Variants in TSGA10 observed in about 807,000 individuals in gnomAD.
TSGA10 encodes testis-specific gene 10 protein.
In TSGA10, 43 loss-of-function variants were observed where a neutral mutation model predicts 96.6. The ratio of observed to expected loss-of-function variants is 0.44; its 90% CI spans 0.35 to 0.57. TSGA10 has a LOEUF of 0.57. Among genes scored for constraint, TSGA10 ranks in the 20% least tolerant of loss-of-function variants. The pLI is 0.01. For synonymous variants in TSGA10, 229 were observed against 269.9 expected, an observed-to-expected ratio of 0.85 and a Z score of 1.48; for missense variants, 703 against 834.4, an observed-to-expected ratio of 0.84 and a Z score of 1.94.
intron 2 of TSGA10, among the ~76,000 whole-genome samples, chr2:99,120,489 T>C (rs2092512958): frequency 6.6e-6 from 1 of 152,210 alleles, no homozygotes; most frequent in Non-Finnish European, 1.5e-5. Context: ...CTTGAGTTTC[T>C]TCTGTTAAAG....
chr2:99,037,244 C>G (rs2081716215), intron 16 of TSGA10, among the ~76,000 whole-genome samples: 1 of 152,088 alleles, frequency 6.6e-6, no homozygotes, highest in Non-Finnish European at 1.5e-5. Flanking sequence ...TACGTATGCC[C>G]TATAAAACAC....
At chr2:99,064,909 T>C (rs751743966) in intron 16 of TSGA10, 30 bp downstream of exon 16, 1 of 1,526,082 alleles carries the variant, frequency 6.6e-7, no homozygotes, top group South Asian at 1.3e-5. Flanking sequence ...TGATGCAGGA[T>C]GTATTATAAG....
At position 99,118,551 on chromosome 2, in the gene TSGA10, TTGAC is replaced by T. The variant is rs2104922581; in HGVS notation, c.-360_-357del. ...CCTTTTGAAAGTATCAGTAACTTAC[TTGAC>T]TAAGCTAAATATCAAATCAATCAAG... On this transcript the variant is annotated splice_region_variant and 5_prime_UTR_variant, in exon 3 of 21. Coordinates refer to ENST00000393483, the MANE Select transcript of TSGA10 (RefSeq NM_025244.4). 1 of 982,502 alleles carries T rather than the reference TTGAC, an allele frequency of 1.0e-6. No homozygotes were observed. Among genetic ancestry groups the T allele is most frequent in the South Asian group, 4.7e-5 (1 of 21,238 alleles). 60.9% of individuals were successfully genotyped at this position (982,502 alleles called of 1,614,324 possible).
chr2:99,125,324 G>A (rs1156759282), intron 2 of TSGA10: 1 of 152,124 alleles, frequency 6.6e-6, no homozygotes, highest in East Asian at 1.9e-4. Flanking sequence ...TAATAATGCT[G>A]CTATAAACAT....
chr2:99,002,077 G>C (rs965976295), intron 20 of TSGA10, among the ~76,000 whole-genome samples: 1 of 152,206 alleles, frequency 6.6e-6, no homozygotes, highest in Non-Finnish European at 1.5e-5. Flanking sequence ...ATATTATCCA[G>C]GAGAACTTCC....
chr2:99,010,404 AAAACTGTGAGTTCCC>A, intron 20 of TSGA10, among the ~76,000 whole-genome samples: 1 of 152,248 alleles, frequency 6.6e-6, no homozygotes, highest in East Asian at 1.9e-4. Flanking sequence ...AAACAGGTGA[AAAACTGTGAGTTCCC>A]AAAGTGTGAG....
At chr2:99,002,355 T>G (rs2078007372) in intron 20 of TSGA10, among the ~76,000 whole-genome samples, 2 of 152,200 alleles carry the variant, frequency 1.3e-5, no homozygotes, top group Admixed American at 6.5e-5. Context: ...AAAAGAATTT[T>G]CAACCCAGAA....
In TSGA10 at chr2:99,108,856, T is replaced by C; in HGVS notation, c.187A>G (p.Lys63Glu). The C allele has an allele frequency of 6.3e-7, 1 of 1,579,956 alleles. No homozygotes were observed. Among genetic ancestry groups the C allele is most frequent in the Non-Finnish European group, 8.5e-7 (1 of 1,170,044 alleles). The change falls in exon 7 of 21, where the codon AAG becomes GAG. Residue 63 changes from lysine (K) to glutamate (E), a missense_variant. Physicochemically the swap from Lys to Glu is moderately conservative, Grantham distance 56 (BLOSUM62 1). This residue lies in a region of TSGA10 where 585 missense variants were observed against 656.8 expected (regional missense o/e 0.89). Coordinates refer to ENST00000393483, the MANE Select transcript of TSGA10 (RefSeq NM_025244.4). ...ACCTGTTCATAAAGAAGGAAGATCT[T>C]GTCTCTCTCAGATTTAAGAACCTTG... ...NVKVLKSERDKIFLLYEQAQE... is the reference protein window; with the variant it reads ...NVKVLKSERDEIFLLYEQAQE...
At position 99,105,674 on chromosome 2, in the gene TSGA10, A is replaced by C; in HGVS notation, c.234T>G (p.Leu78=). 6.3e-7 allele frequency: 1 copy of C among 1,591,788 alleles called. No individual in the cohort carries two copies. The highest frequency in any genetic ancestry group is 8.6e-7 in the Non-Finnish European group (1 of 1,161,590). Residue 78 remains leucine (L), a synonymous_variant, in exon 8 of 21, where the codon CTT becomes CTG. Transcript: ENST00000393483. The part of the protein sequence containing the change: ...YEQAQEEITR[L]RREMMKSCKS... ...TACAGCTTTTCATCATTTCTCGTCG[A>C]AGTCGGGTAATTTCTTCCTGTGCCT...
At chr2:99,144,451 C>T (rs970583784) in intron 1 of TSGA10, among the ~76,000 whole-genome samples, 1 of 151,560 alleles carries the variant, frequency 6.6e-6, no homozygotes, top group East Asian at 1.9e-4. Context: ...GCCTGTTGTC[C>T]AATATCTAAA....
chr2:99,036,121 C>T (rs2081605872), intron 16 of TSGA10, among the ~76,000 whole-genome samples: 1 of 152,076 alleles, frequency 6.6e-6, no homozygotes, highest in African/African-American at 2.4e-5. Flanking sequence ...CTGCCACCTA[C>T]AGAGAAGTAT....
intron 16 of TSGA10, among the ~76,000 whole-genome samples, chr2:99,063,042 G>T (rs752016173): frequency 2.6e-5 from 4 of 152,202 alleles, no homozygotes; most frequent in Non-Finnish European, 5.9e-5. Flanking sequence ...CTACAAGAGT[G>T]TGTTATTGAC....
intron 10 of TSGA10, among the ~76,000 whole-genome samples, chr2:99,086,002 A>G (rs968649431): frequency 1.3e-5 from 2 of 152,234 alleles, no homozygotes; most frequent in Non-Finnish European, 2.9e-5. Context: ...CCACAGATAT[A>G]TGGTCAATCG....
intron 1 of TSGA10, among the ~76,000 whole-genome samples, chr2:99,136,016 A>T (rs1050334200): frequency 2.0e-5 from 3 of 151,984 alleles, no homozygotes; most frequent in African/African-American, 7.2e-5. Context: ...TACCAAAAAA[A>T]AAAAAGGGTC....
intron 16 of TSGA10, among the ~76,000 whole-genome samples, chr2:99,064,160 C>A (rs2084997634): frequency 6.6e-6 from 1 of 151,882 alleles, no homozygotes; most frequent in Non-Finnish European, 1.5e-5. Context: ...CACTTCCAGG[C>A]ATAAATATAG....
rs1192877944 is a variant in TSGA10 at position 99,099,577 on chromosome 2, TATCAG to T, written c.611+4385_611+4389del. The stretch of plus-strand genomic sequence containing the variant: ...ACCATCTAAATACATGAATAAAAAT[TATCAG>T]ATCAATTTCAACATTCATGTATGAT... On this transcript the variant is annotated intron_variant, in intron 10 of 20. Coordinates refer to ENST00000393483, the MANE Select transcript of TSGA10 (RefSeq NM_025244.4). 4.6e-5 allele frequency among the ~76,000 whole-genome samples: 7 copies of T among 152,232 alleles called. No individual in the cohort carries two copies. In the South Asian group the frequency reaches 1.2e-3, roughly 27 times the overall value.
At chr2:99,144,649 C>CAAAAAAAAAA (rs70940140) in intron 1 of TSGA10, among the ~76,000 whole-genome samples, 2,070 of 51,994 alleles carry the variant, frequency 0.04, 256 homozygotes, top group East Asian at 0.059. Flanking sequence ...AACTCTGTCT[C>CAAAAAAAAAA]AAAAAAAAAA....
chr2:99,084,066 C>T (rs146718352), intron 10 of TSGA10, among the ~76,000 whole-genome samples: 4 of 152,166 alleles, frequency 2.6e-5, no homozygotes, highest in East Asian at 1.9e-4. Context: ...TAACTTCCTA[C>T]AAATTATGAA....
chr2:99,148,991 A>G (rs2093660564), intron 1 of TSGA10, among the ~76,000 whole-genome samples: 1 of 151,976 alleles, frequency 6.6e-6, no homozygotes, highest in African/African-American at 2.4e-5. Context: ...TGGAAAAAAA[A>G]TAAATAAAAA....
Sources: allele counts gnomAD v4.1 joint callset (sites outside exome capture counted in the v4.1 genomes callset), GRCh38; gene constraint gnomAD v4.1.1; regional missense constraint gnomAD v4.1.1; transcripts MANE v1.5; gene names NCBI Gene and HGNC (gene_info 2026-07-23, HGNC 2026-07-21).